IL1RAPL1: variants seen among roughly 807,000 people sequenced by gnomAD.
IL1RAPL1 encodes the protein interleukin 1 receptor accessory protein like 1, also known as interleukin-1 receptor accessory protein-like 1.
In IL1RAPL1, 3 loss-of-function variants were observed where a neutral mutation model predicts 48.4. That is an observed-to-expected ratio of 0.06 (90% CI 0.03 to 0.16). The LOEUF (loss-of-function observed/expected upper bound fraction) is 0.16, where lower values mean the gene tolerates loss of function less well. IL1RAPL1 is among the 10% of genes least tolerant of loss of function. IL1RAPL1 has a pLI of 1.00. For missense variants in IL1RAPL1, 349 were observed against 530.6 expected (o/e 0.66, Z 3.36); for synonymous variants, 185 against 187.7 (o/e 0.99, Z 0.12).
intron 1 of IL1RAPL1, among the ~76,000 whole-genome samples, chrX:28,649,932 G>A (rs1934663910): frequency 9.0e-6 from 1 of 111,667 alleles, no homozygotes; most frequent in Admixed American, 9.5e-5. Flanking sequence ...AGTTTCCCAC[G>A]TGTCTCTGAC....
intron 6 of IL1RAPL1, among the ~76,000 whole-genome samples, chrX:29,709,419 G>A (rs375921533): frequency 9.0e-6 from 1 of 111,459 alleles, no homozygotes; most frequent in East Asian, 2.8e-4. Flanking sequence ...TCCCCATTGT[G>A]TTTTCTTAGC....
intron 1 of IL1RAPL1, among the ~76,000 whole-genome samples, chrX:28,723,557 T>C (rs1935621754): frequency 8.9e-6 from 1 of 111,949 alleles, no homozygotes; most frequent in African/African-American, 3.2e-5. Flanking sequence ...TCTGGATTCA[T>C]TGATTTTTTG....
intron 3 of IL1RAPL1, among the ~76,000 whole-genome samples, chrX:29,329,914 C>T (rs1428223481): frequency 9.0e-6 from 1 of 110,610 alleles, no homozygotes; most frequent in Non-Finnish European, 1.9e-5. Context: ...TAAAAGACCA[C>T]ATATTATTCA....
chrX:28,700,299 A>G (rs925686989), intron 1 of IL1RAPL1, among the ~76,000 whole-genome samples: 1 of 110,982 alleles, frequency 9.0e-6, no homozygotes, highest in Non-Finnish European at 1.9e-5. Flanking sequence ...GTGATTAAAG[A>G]TTATATACAA....
chrX:29,577,350 A>G lies in IL1RAPL1; in HGVS notation c.704-91080A>G, dbSNP rs758637969. Among the ~76,000 whole-genome samples, 5 of 111,565 alleles carry G rather than the reference A, an allele frequency of 4.5e-5. No individual in the cohort carries two copies. In the South Asian group the frequency reaches 1.9e-3, roughly 42 times the overall value. On this transcript the variant is annotated intron_variant, in intron 5 of 10. Transcript: ENST00000378993. Reference sequence around the variant, plus strand: ...AAAGCAATATTTAGCAATCCTCCATATACTACAATGCCCTACCCAAGCCTG... The same window carrying G: ...AAAGCAATATTTAGCAATCCTCCATGTACTACAATGCCCTACCCAAGCCTG...
intron 2 of IL1RAPL1, among the ~76,000 whole-genome samples, chrX:29,164,804 A>ATG (rs34953322): frequency 5.3e-4 from 57 of 108,506 alleles, no homozygotes; most frequent in African/African-American, 5.0e-4. Flanking sequence ...ATTATTGTGT[A>ATG]TGTGTGTGTG....
intron 2 of IL1RAPL1, among the ~76,000 whole-genome samples, chrX:28,870,218 C>T (rs2147307555): frequency 9.0e-6 from 1 of 111,234 alleles, no homozygotes; most frequent in South Asian, 3.8e-4. Flanking sequence ...ACTTTTAATA[C>T]CTGTTGTCAG....
intron 6 of IL1RAPL1, among the ~76,000 whole-genome samples, chrX:29,908,553 T>C (rs1932693691): frequency 9.0e-6 from 1 of 110,801 alleles, no homozygotes. Context: ...AGCCCCTCCT[T>C]TGAGAATTAC....
At chrX:29,024,395 T>C (rs1285426935) in intron 2 of IL1RAPL1, among the ~76,000 whole-genome samples, 1 of 112,020 alleles carries the variant, frequency 8.9e-6, no homozygotes, top group Admixed American at 9.5e-5. Context: ...TTGAATCACG[T>C]AGTGATTAAC....
intron 5 of IL1RAPL1, among the ~76,000 whole-genome samples, chrX:29,613,898 G>A (rs1278510834): frequency 1.9e-5 from 2 of 106,964 alleles, no homozygotes; most frequent in Non-Finnish European, 3.9e-5. Context: ...CGAGTAGCTG[G>A]GACTACAGGC....
At chrX:28,999,024 A>G (rs1293185156) in intron 2 of IL1RAPL1, among the ~76,000 whole-genome samples, 1 of 111,886 alleles carries the variant, frequency 8.9e-6, no homozygotes, top group Non-Finnish European at 1.9e-5. Context: ...CCAAGTCCCT[A>G]CAGACATAAT....
chrX:29,702,828 T>A (rs1037592319), intron 6 of IL1RAPL1, among the ~76,000 whole-genome samples: 1 of 112,206 alleles, frequency 8.9e-6, no homozygotes, highest in East Asian at 2.8e-4. Context: ...TGCTGGTTTG[T>A]TACAACAAAA....
intron 3 of IL1RAPL1, among the ~76,000 whole-genome samples, chrX:29,306,860 CAA>C (rs1168897352): frequency 3.5e-5 from 1 of 28,714 alleles, no homozygotes; most frequent in Admixed American, 4.3e-4. Flanking sequence ...GACTCTGTCT[CAA>C]AAAAAAAAAA....
chrX:29,389,914 A>T (rs1024473290), intron 3 of IL1RAPL1, among the ~76,000 whole-genome samples: 12 of 111,897 alleles, frequency 1.1e-4, no homozygotes, highest in African/African-American at 3.6e-4. Context: ...AGCTCTTCTG[A>T]AAAGAAAAAC....
At chrX:29,534,800 C>A (rs145946264) in intron 5 of IL1RAPL1, among the ~76,000 whole-genome samples, 1 of 110,024 alleles carries the variant, frequency 9.1e-6, no homozygotes, top group Non-Finnish European at 1.9e-5. Context: ...AACCCCATCT[C>A]TACTAAAAAT....
At chrX:29,406,057 C>G (rs1458685956) in intron 5 of IL1RAPL1, among the ~76,000 whole-genome samples, 3 of 111,490 alleles carry the variant, frequency 2.7e-5, no homozygotes, top group Non-Finnish European at 5.6e-5. Flanking sequence ...CATCAAAGGG[C>G]TTCTTCATTT....
chrX:29,366,958 T>C (rs893230469), intron 3 of IL1RAPL1, among the ~76,000 whole-genome samples: 2 of 111,541 alleles, frequency 1.8e-5, no homozygotes, highest in East Asian at 5.6e-4. Flanking sequence ...ACATATAAAA[T>C]ATTTTTAAAG....
chrX:29,235,568 C>T (rs180955361), intron 2 of IL1RAPL1, among the ~76,000 whole-genome samples: 6 of 111,111 alleles, frequency 5.4e-5, no homozygotes, highest in Admixed American at 2.9e-4. Context: ...AAGCACTATT[C>T]CTGTGTCATT....
intron 6 of IL1RAPL1, among the ~76,000 whole-genome samples, chrX:29,851,897 T>A (rs1249271956): frequency 8.9e-6 from 1 of 112,757 alleles, no homozygotes; most frequent in Non-Finnish European, 1.9e-5. Context: ...AACAAATATA[T>A]ATAGATTGCC....
Sources: allele counts gnomAD v4.1 joint callset (sites outside exome capture counted in the v4.1 genomes callset), GRCh38; gene constraint gnomAD v4.1.1; transcripts MANE v1.5; gene names NCBI Gene and HGNC (gene_info 2026-07-23, HGNC 2026-07-21).